SLC7A2: variants seen among roughly 807,000 people sequenced by gnomAD.
SLC7A2 encodes the protein cationic amino acid transporter 2.
SLC7A2 carries 48 observed loss-of-function variants against 58.9 expected under a neutral mutation model. That is an observed-to-expected ratio of 0.82 (90% CI 0.65 to 1.04). The LOEUF (loss-of-function observed/expected upper bound fraction) is 1.04, where lower values mean the gene tolerates loss of function less well. Among genes scored for constraint, SLC7A2 ranks in the 50% least tolerant of loss-of-function variants. SLC7A2 has a pLI of 0.00. For missense variants in SLC7A2, 1,029 were observed against 818.8 expected, an observed-to-expected ratio of 1.26 and a Z score of -3.13; for synonymous variants, 363 against 314.5, an observed-to-expected ratio of 1.15 and a Z score of -1.63.
intron 2 of SLC7A2, among the ~76,000 whole-genome samples, chr8:17,534,850 C>G (rs1801598127): frequency 2.6e-5 from 4 of 152,024 alleles, no homozygotes; most frequent in Admixed American, 2.6e-4. Flanking sequence ...GAAATAGGCG[C>G]TCAATAGTCT....
Position 17,568,949 on chromosome 8 carries a change from G to C in SLC7A2, c.*3803G>C, listed in dbSNP as rs1321312678. On this transcript the variant is annotated 3_prime_UTR_variant, in exon 13 of 13. Transcript: ENST00000494857. ...ACTGCACTCTAGCCTGGGCAACGGT[G>C]AGACCCTGCCTCAAAAAAAATAAAA... 2 of 152,028 alleles carry C rather than the reference G, an allele frequency of 1.3e-5. No homozygotes were observed. The highest frequency in any genetic ancestry group is 4.8e-5 in the African/African-American group (2 of 41,376). 9.4% of individuals were successfully genotyped at this position (152,028 alleles called of 1,614,324 possible).
intron 8 of SLC7A2, among the ~76,000 whole-genome samples, chr8:17,557,782 C>A (rs149759598): frequency 1.3e-5 from 2 of 152,134 alleles, no homozygotes; most frequent in Admixed American, 1.3e-4. Flanking sequence ...AAGCCGAGAT[C>A]GCACCACTGC....
chr8:17,506,270 T>A (rs17588881), intron 2 of SLC7A2, among the ~76,000 whole-genome samples: 10,720 of 152,300 alleles, frequency 0.07, 541 homozygotes, highest in Non-Finnish European at 0.1. Context: ...CTTTAAACTC[T>A]CTTGAAACTT....
At chr8:17,494,551 G>A (rs977009971), upstream of SLC7A2, among the ~76,000 whole-genome samples, 1 of 152,172 alleles carries the variant, frequency 6.6e-6, no homozygotes, top group African/African-American at 2.4e-5. Flanking sequence ...ACCCCGGGCA[G>A]CAAGAGAAAA....
chr8:17,497,106 C>T lies in SLC7A2; in HGVS notation c.-200C>T, dbSNP rs1318249252. On this transcript the variant is annotated 5_prime_UTR_variant, in exon 1 of 13. Coordinates refer to ENST00000494857, the MANE Select transcript of SLC7A2 (RefSeq NM_001370338.1). ...CCCAGCCCTCCTTCTGCAGCGCGGC[C>T]GGCGGGCGCTCCTCTTCGCGGGACC... 1 of 151,324 alleles carries T rather than the reference C, an allele frequency of 6.6e-6. No homozygotes were observed. 9.4% of individuals were successfully genotyped at this position (151,324 alleles called of 1,614,324 possible). A position where few individuals can be genotyped will look rare whatever the true frequency, so the allele number is the denominator to read the frequency against.
chr8:17,532,666 T>A (rs960959866), intron 2 of SLC7A2, among the ~76,000 whole-genome samples: 1 of 152,316 alleles, frequency 6.6e-6, no homozygotes, highest in Non-Finnish European at 1.5e-5. Context: ...TGTTCACATT[T>A]ATGGCATATT....
chr8:17,544,733 T>C (rs1007211614), intron 4 of SLC7A2, 127 bp downstream of exon 4: 4 of 743,476 alleles, frequency 5.4e-6, no homozygotes, highest in Admixed American at 5.6e-5. Flanking sequence ...TTTATGTCAC[T>C]GTTAGACATC....
At chr8:17,535,817 C>T (rs1021663010) in intron 2 of SLC7A2, among the ~76,000 whole-genome samples, 6 of 152,058 alleles carry the variant, frequency 3.9e-5, no homozygotes, top group Admixed American at 1.3e-4. Context: ...GCAGGAGAAT[C>T]GCTTGAACCC....
intron 2 of SLC7A2, among the ~76,000 whole-genome samples, chr8:17,512,829 T>C (rs1800658921): frequency 6.6e-6 from 1 of 152,172 alleles, no homozygotes; most frequent in Non-Finnish European, 1.5e-5. Flanking sequence ...ACCATTCTAC[T>C]TTCTGTCTCT....
In SLC7A2 at chr8:17,551,974, C is replaced by A; in HGVS notation, c.1043C>A (p.Ala348Asp). Residue 348 changes from alanine (A) to aspartate (D), a missense_variant, in exon 7 of 13, where the codon GCC becomes GAC. Ala to Asp is a moderately radical substitution (Grantham distance 126, BLOSUM62 -2). Transcript: ENST00000494857. ...GTCGTCGCAGCTGGTTCTCTCTGCGCCTTGTCAACAAGGTACATTGCATCG... is the reference window on the plus strand; with the variant it reads ...GTCGTCGCAGCTGGTTCTCTCTGCGACTTGTCAACAAGGTACATTGCATCG... The part of the protein sequence containing the change: ...KYVVAAGSLC[A>D]LSTSLLGSIF... 1 of 1,613,742 alleles carries A rather than the reference C, an allele frequency of 6.2e-7. No homozygotes were observed. The highest frequency in any genetic ancestry group is 2.2e-5 in the East Asian group (1 of 44,854).
intron 8 of SLC7A2, 117 bp downstream of exon 8, chr8:17,554,816 T>C: frequency 6.9e-7 from 1 of 1,448,768 alleles, no homozygotes; most frequent in Non-Finnish European, 9.3e-7. Context: ...TCAGTCACTT[T>C]TTTGTGAGTG....
intron 9 of SLC7A2, 102 bp from the exon 10 acceptor site, chr8:17,560,226 C>T (rs1802899899): frequency 2.5e-6 from 2 of 799,112 alleles, no homozygotes; most frequent in African/African-American, 3.4e-5. Context: ...ACTCTACACA[C>T]TATCACTCTG....
At chr8:17,524,406 A>G (rs867531995) in intron 2 of SLC7A2, among the ~76,000 whole-genome samples, 1 of 139,208 alleles carries the variant, frequency 7.2e-6, no homozygotes. Flanking sequence ...ATATACATAT[A>G]TGTGTGTGTG....
At chr8:17,532,229 C>CAAAAAAAA (rs534441508) in intron 2 of SLC7A2, among the ~76,000 whole-genome samples, 8 of 46,204 alleles carry the variant, frequency 1.7e-4, no homozygotes, top group East Asian at 9.1e-4. Flanking sequence ...GACTCTATCT[C>CAAAAAAAA]AAAAAAAAAA....
At chr8:17,546,909 A>G (rs1282987022) in intron 4 of SLC7A2, among the ~76,000 whole-genome samples, 1 of 152,182 alleles carries the variant, frequency 6.6e-6, no homozygotes, top group Non-Finnish European at 1.5e-5. Context: ...TGATAAATAT[A>G]ATTAGAAAAA....
intron 2 of SLC7A2, among the ~76,000 whole-genome samples, chr8:17,524,367 A>T (rs1054672414): frequency 6.6e-6 from 1 of 151,888 alleles, no homozygotes; most frequent in Admixed American, 6.6e-5. Flanking sequence ...AAATCCCATC[A>T]ATCAACAAGT....
chr8:17,521,633 G>A (rs1374407795), intron 2 of SLC7A2, among the ~76,000 whole-genome samples: 1 of 152,230 alleles, frequency 6.6e-6, no homozygotes, highest in African/African-American at 2.4e-5. Flanking sequence ...ACAGGGAGAC[G>A]TGGCGCTGGG....
chr8:17,508,834 G>A (rs959146479), intron 2 of SLC7A2, among the ~76,000 whole-genome samples: 1 of 152,132 alleles, frequency 6.6e-6, no homozygotes, highest in Non-Finnish European at 1.5e-5. Flanking sequence ...TAATATATTA[G>A]TTTTTATAAG....
intron 10 of SLC7A2, 89 bp from the exon 11 acceptor site, chr8:17,561,855 C>G (rs1803005478): frequency 8.1e-7 from 1 of 1,241,408 alleles, no homozygotes; most frequent in South Asian, 1.3e-5. Context: ...GTACAGAAGT[C>G]AGTGTTTTAT....
Sources: allele counts gnomAD v4.1 joint callset (sites outside exome capture counted in the v4.1 genomes callset), GRCh38; gene constraint gnomAD v4.1.1; transcripts MANE v1.5; gene names NCBI Gene and HGNC (gene_info 2026-07-23, HGNC 2026-07-21).